The following GOLPH3 variants were observed in gnomAD, a reference collection of about 807,000 sequenced individuals.
GOLPH3 encodes the protein golgi phosphoprotein 3, also known as coat protein GPP34.
GOLPH3 carries 14 observed loss-of-function variants against 28.5 expected under a neutral mutation model. That is an observed-to-expected ratio of 0.49 (90% CI 0.32 to 0.77). The LOEUF (loss-of-function observed/expected upper bound fraction) is 0.77. Ranked by LOEUF, GOLPH3 falls within the 30% of genes least tolerant of loss-of-function variation. GOLPH3 has a pLI of 0.03. For missense variants in GOLPH3, 350 were observed against 393.7 expected (o/e 0.89, Z 0.94); for synonymous variants, 158 against 159.2 (o/e 0.99, Z 0.06).
chr5:32,170,232 G>A (rs1299116496), intron 1 of GOLPH3, among the ~76,000 whole-genome samples: 1 of 152,100 alleles, frequency 6.6e-6, no homozygotes, highest in Admixed American at 6.5e-5. Flanking sequence ...AAAAAACTAG[G>A]CAAAATTAAT....
intron 3 of GOLPH3, among the ~76,000 whole-genome samples, chr5:32,129,410 A>C (rs1257261059): frequency 6.6e-6 from 1 of 152,254 alleles, no homozygotes; most frequent in African/African-American, 2.4e-5. Context: ...GTGCAGAATA[A>C]ACATTCTGGC....
intron 1 of GOLPH3, among the ~76,000 whole-genome samples, chr5:32,163,630 C>T (rs189721737): frequency 2.0e-5 from 3 of 152,008 alleles, no homozygotes; most frequent in African/African-American, 4.8e-5. Flanking sequence ...TCCAGTCTGG[C>T]GACAGAGCAT....
chr5:32,174,205 AGCGG>A lies in GOLPH3; in HGVS notation c.-175_-172del. The A allele has an allele frequency of 2.5e-6, 1 of 399,282 alleles. No homozygotes were observed. Among genetic ancestry groups the A allele is most frequent in the Non-Finnish European group, 4.3e-6 (1 of 233,146 alleles). The allele number at this position is 399,282 out of a possible 1,614,324, so 24.7% of individuals were successfully genotyped here. ...GTCATGAGGAAACAGGTCAGGGCGA[AGCGG>A]GCTGGCCGGGCGTCGGCGGGGCAGG... On this transcript the variant is annotated 5_prime_UTR_variant, in exon 1 of 4. Coordinates refer to ENST00000265070, the MANE Select transcript of GOLPH3 (RefSeq NM_022130.4).
intron 1 of GOLPH3, among the ~76,000 whole-genome samples, chr5:32,167,871 T>C (rs1372644858): frequency 6.6e-6 from 1 of 152,064 alleles, no homozygotes; most frequent in African/African-American, 2.4e-5. Context: ...GGAGGATTGC[T>C]TGAGTTCAGG....
At chr5:32,163,424 TCCCAG>T in intron 1 of GOLPH3, among the ~76,000 whole-genome samples, 1 of 152,284 alleles carries the variant, frequency 6.6e-6, no homozygotes, top group East Asian at 1.9e-4. Flanking sequence ...ACATCTGTGA[TCCCAG>T]CACTTTGGGA....
intron 1 of GOLPH3, among the ~76,000 whole-genome samples, chr5:32,161,524 T>C (rs1434795688): frequency 2.0e-5 from 3 of 151,262 alleles, no homozygotes; most frequent in Admixed American, 2.0e-4. Context: ...AGTTTTCTGA[T>C]TTGGAGCATC....
At chr5:32,150,671 T>TA (rs1231305963) in intron 1 of GOLPH3, among the ~76,000 whole-genome samples, 5 of 152,130 alleles carry the variant, frequency 3.3e-5, no homozygotes, top group African/African-American at 1.2e-4. Flanking sequence ...GTTATGGAGT[T>TA]AAGATTTTTT....
chr5:32,169,014 C>T (rs2111899589), intron 1 of GOLPH3, among the ~76,000 whole-genome samples: 2 of 152,056 alleles, frequency 1.3e-5, no homozygotes, highest in Middle Eastern at 6.8e-3. Context: ...TGGCTCATGC[C>T]TCTAATACCT....
At chr5:32,135,513 T>C in intron 3 of GOLPH3, 59 bp downstream of exon 3, 2 of 1,064,970 alleles carry the variant, frequency 1.9e-6, no homozygotes, top group Non-Finnish European at 2.9e-6. Context: ...TTCAAAAGGA[T>C]TTAAACTTCG....
chr5:32,131,862 G>A (rs1444557636), intron 3 of GOLPH3, among the ~76,000 whole-genome samples: 2 of 152,168 alleles, frequency 1.3e-5, no homozygotes, highest in Non-Finnish European at 2.9e-5. Flanking sequence ...AGCAGCTTTG[G>A]CCATAAATTT....
chr5:32,137,497 A>G (rs1359495424), intron 2 of GOLPH3, among the ~76,000 whole-genome samples: 1 of 151,878 alleles, frequency 6.6e-6, no homozygotes, highest in Non-Finnish European at 1.5e-5. Context: ...GGTCTCTACT[A>G]ATAATACAAA....
At chr5:32,141,303 G>C (rs2111852419) in intron 2 of GOLPH3, among the ~76,000 whole-genome samples, 1 of 152,130 alleles carries the variant, frequency 6.6e-6, no homozygotes, top group East Asian at 1.9e-4. Context: ...AAAAAAACTA[G>C]TTTTGAAACA....
At chr5:32,146,564 T>C (rs1293808632) in intron 1 of GOLPH3, among the ~76,000 whole-genome samples, 7 of 152,186 alleles carry the variant, frequency 4.6e-5, no homozygotes, top group Non-Finnish European at 8.8e-5. Flanking sequence ...ACCATTCCAG[T>C]TAAGAGCTAC....
At chr5:32,169,433 G>A (rs1746784549) in intron 1 of GOLPH3, among the ~76,000 whole-genome samples, 1 of 152,178 alleles carries the variant, frequency 6.6e-6, no homozygotes, top group Non-Finnish European at 1.5e-5. Context: ...CTGAAGCTCA[G>A]AAGGCTTAAA....
intron 2 of GOLPH3, 135 bp from the exon 3 acceptor site, chr5:32,135,821 C>G (rs765024198): frequency 1.5e-5 from 9 of 605,034 alleles, no homozygotes; most frequent in Non-Finnish European, 2.0e-5. Context: ...TATCAAAGTT[C>G]AGATTTTAAA....
At chr5:32,149,142 T>C (rs1352191864) in intron 1 of GOLPH3, among the ~76,000 whole-genome samples, 1 of 152,142 alleles carries the variant, frequency 6.6e-6, no homozygotes, top group Non-Finnish European at 1.5e-5. Flanking sequence ...CTACTGGCCA[T>C]TGGGTACAAA....
At chr5:32,156,576 A>T (rs746763845) in intron 1 of GOLPH3, among the ~76,000 whole-genome samples, 5 of 151,690 alleles carry the variant, frequency 3.3e-5, no homozygotes, top group Non-Finnish European at 7.4e-5. Flanking sequence ...GGTGCCAGGG[A>T]CTGGTTTCAG....
intron 1 of GOLPH3, among the ~76,000 whole-genome samples, chr5:32,156,773 T>C (rs955251862): frequency 6.6e-6 from 1 of 152,192 alleles, no homozygotes; most frequent in Non-Finnish European, 1.5e-5. Flanking sequence ...CTGCTGCTGA[T>C]CTGACAGGAG....
intron 1 of GOLPH3, among the ~76,000 whole-genome samples, chr5:32,146,682 A>G (rs542341215): frequency 6.6e-6 from 1 of 152,382 alleles, no homozygotes; most frequent in South Asian, 2.1e-4. Flanking sequence ...TATAAAGATC[A>G]TAACAGGGAT....
Sources: allele counts gnomAD v4.1 joint callset (sites outside exome capture counted in the v4.1 genomes callset), GRCh38; gene constraint gnomAD v4.1.1; transcripts MANE v1.5; gene names NCBI Gene and HGNC (gene_info 2026-07-23, HGNC 2026-07-21).